Variants in DACH2 observed in about 807,000 individuals in gnomAD.
DACH2 encodes the protein dachshund family transcription factor 2, also known as dachshund homolog 2.
Under a neutral mutation model 35.8 loss-of-function variants are expected in DACH2, and 17 were observed. The ratio of observed to expected loss-of-function variants is 0.48; its 90% CI spans 0.33 to 0.71. The LOEUF (loss-of-function observed/expected upper bound fraction) is 0.71, where lower values mean the gene tolerates loss of function less well. Among genes scored for constraint, DACH2 ranks in the 30% least tolerant of loss-of-function variants. The pLI is 0.02. For missense variants in DACH2, 469 were observed against 472.7 expected, an observed-to-expected ratio of 0.99 and a Z score of 0.07; for synonymous variants, 195 against 177.3, an observed-to-expected ratio of 1.10 and a Z score of -0.79.
intron 3 of DACH2, among the ~76,000 whole-genome samples, chrX:86,525,227 GT>G (rs2038614282): frequency 9.0e-6 from 1 of 111,446 alleles, no homozygotes; most frequent in African/African-American, 3.3e-5. Context: ...AAAAATTGAG[GT>G]TATGAATCTT....
chrX:86,272,884 G>T (rs1220352595), intron 1 of DACH2, among the ~76,000 whole-genome samples: 1 of 111,645 alleles, frequency 9.0e-6, no homozygotes, highest in Non-Finnish European at 1.9e-5. Flanking sequence ...CAAATCAGTG[G>T]CTTTCTTGGT....
intron 11 of DACH2, among the ~76,000 whole-genome samples, chrX:86,825,135 C>G (rs1475720624): frequency 8.9e-6 from 1 of 112,019 alleles, no homozygotes. Context: ...CATTTTGTGA[C>G]CAGGTGCGGT....
intron 2 of DACH2, among the ~76,000 whole-genome samples, chrX:86,492,125 A>G (rs893572681): frequency 3.8e-4 from 42 of 111,468 alleles, no homozygotes; most frequent in Middle Eastern, 4.7e-3. Context: ...TTCATTTAGC[A>G]TATCCTCACA....
intron 3 of DACH2, among the ~76,000 whole-genome samples, chrX:86,631,382 T>C (rs1453317728): frequency 8.9e-6 from 1 of 112,138 alleles, no homozygotes; most frequent in East Asian, 2.8e-4. Context: ...TTCAATGTGA[T>C]ATATAACATT....
chrX:86,580,796 C>A (rs2039492135), intron 3 of DACH2, among the ~76,000 whole-genome samples: 1 of 111,827 alleles, frequency 8.9e-6, no homozygotes, highest in Non-Finnish European at 1.9e-5. Context: ...AGAAAATAAG[C>A]AACGTGGAAA....
chrX:86,667,486 GGAAA>G (rs1387335411), intron 4 of DACH2, among the ~76,000 whole-genome samples: 6 of 82,773 alleles, frequency 7.2e-5, no homozygotes, highest in South Asian at 6.3e-4. Flanking sequence ...AAAGAAGGAA[GGAAA>G]GAAAGAAAGA....
chrX:86,662,585 T>C (rs1281701669), intron 4 of DACH2, among the ~76,000 whole-genome samples: 2 of 106,576 alleles, frequency 1.9e-5, no homozygotes, highest in South Asian at 4.2e-4. Flanking sequence ...AGAGCGAGAC[T>C]CCGTCTCAAA....
chrX:86,681,572 CCT>C (rs1282696913), intron 4 of DACH2, among the ~76,000 whole-genome samples: 34 of 93,594 alleles, frequency 3.6e-4, no homozygotes, highest in Non-Finnish European at 2.8e-4. Context: ...AGAGTGAGAC[CCT>C]CTCTCTCTCT....
chrX:86,328,513 A>C (rs968613903), intron 1 of DACH2, among the ~76,000 whole-genome samples: 1 of 111,957 alleles, frequency 8.9e-6, no homozygotes, highest in Non-Finnish European at 1.9e-5. Flanking sequence ...AATATTTTTG[A>C]ACTTGTCTCT....
intron 11 of DACH2, chrX:86,831,290 T>C (rs1412797034): frequency 9.0e-6 from 1 of 111,618 alleles, no homozygotes; most frequent in Non-Finnish European, 1.9e-5. Flanking sequence ...CTCTCCATTA[T>C]ATGTGAAAAT....
At chrX:86,167,125 T>C (rs2030969845) in intron 1 of DACH2, among the ~76,000 whole-genome samples, 1 of 111,239 alleles carries the variant, frequency 9.0e-6, no homozygotes, top group Non-Finnish European at 1.9e-5. Context: ...ATAGTTTGAG[T>C]AGTATTGGGT....
chrX:86,288,750 A>G (rs762879786), intron 1 of DACH2, among the ~76,000 whole-genome samples: 41 of 111,221 alleles, frequency 3.7e-4, no homozygotes, highest in Non-Finnish European at 7.4e-4. Context: ...CTTGTGTTGA[A>G]TACTCTGACT....
intron 7 of DACH2, among the ~76,000 whole-genome samples, chrX:86,808,390 A>G (rs1358908344): frequency 9.0e-6 from 1 of 111,594 alleles, no homozygotes; most frequent in East Asian, 2.8e-4. Flanking sequence ...TTCCTTTGCT[A>G]CTAGCTTTCT....
intron 6 of DACH2, among the ~76,000 whole-genome samples, chrX:86,729,442 A>G (rs1377546427): frequency 2.7e-5 from 3 of 111,711 alleles, no homozygotes; most frequent in African/African-American, 9.8e-5. Flanking sequence ...GTCTCACACG[A>G]GACTTTGGAC....
At chrX:86,292,262 G>C (rs376737638) in intron 1 of DACH2, among the ~76,000 whole-genome samples, 1 of 52,432 alleles carries the variant, frequency 1.9e-5, no homozygotes, top group Non-Finnish European at 3.2e-5. Context: ...CTGTGGGATC[G>C]GTGGTGATAT....
intron 2 of DACH2, among the ~76,000 whole-genome samples, chrX:86,394,910 A>G (rs1199046578): frequency 1.8e-5 from 2 of 111,746 alleles, no homozygotes; most frequent in Admixed American, 9.5e-5. Context: ...ACTTTGATTC[A>G]TCAACTCAAT....
intron 2 of DACH2, among the ~76,000 whole-genome samples, chrX:86,424,644 T>G (rs2036861638): frequency 9.0e-6 from 1 of 111,628 alleles, no homozygotes; most frequent in African/African-American, 3.3e-5. Flanking sequence ...CTTTAACTTC[T>G]TCCTTTTCAA....
chrX:86,561,791 C>T (rs1474829324), intron 3 of DACH2, among the ~76,000 whole-genome samples: 2 of 61,955 alleles, frequency 3.2e-5, no homozygotes, highest in African/African-American at 7.2e-5. Context: ...GGGAGATATA[C>T]CTAATGCTAG....
chrX:86,645,017 A>G (rs2040398017), intron 3 of DACH2, among the ~76,000 whole-genome samples: 1 of 111,226 alleles, frequency 9.0e-6, no homozygotes, highest in Admixed American at 9.6e-5. Context: ...CAAAGATTTC[A>G]TGAGAAGGAC....
Sources: allele counts gnomAD v4.1 joint callset (sites outside exome capture counted in the v4.1 genomes callset), GRCh38; gene constraint gnomAD v4.1.1; transcripts MANE v1.5; gene names NCBI Gene and HGNC (gene_info 2026-07-23, HGNC 2026-07-21).